Variants in HSD17B12 observed in about 807,000 individuals in gnomAD.
The protein encoded by HSD17B12 is hydroxysteroid 17-beta dehydrogenase 12, also known as very-long-chain 3-oxoacyl-CoA reductase.
In HSD17B12, 32 loss-of-function variants were observed where a neutral mutation model predicts 39.3. That is an observed-to-expected ratio of 0.81 (90% CI 0.61 to 1.09). The LOEUF is 1.09. HSD17B12 is among the 50% of genes least tolerant of loss of function. The pLI is 0.00. For missense variants in HSD17B12, 342 were observed against 382.9 expected, an observed-to-expected ratio of 0.89 and a Z score of 0.89; for synonymous variants, 150 against 146.7, an observed-to-expected ratio of 1.02 and a Z score of -0.16.
intron 1 of HSD17B12, among the ~76,000 whole-genome samples, chr11:43,722,889 A>G (rs1950188128): frequency 6.6e-6 from 1 of 152,086 alleles, no homozygotes; most frequent in South Asian, 2.1e-4. Flanking sequence ...GAGTAATGGG[A>G]AGTCACTGAA....
chr11:43,664,890 A>G, the HSD17B12 span, among the ~76,000 whole-genome samples: 6 of 152,224 alleles, frequency 3.9e-5, no homozygotes, highest in Non-Finnish European at 7.3e-5. Context: ...TTGGAAAGCA[A>G]GTCTTTCTAA....
chr11:43,583,533 C>T, the HSD17B12 span, among the ~76,000 whole-genome samples: 1 of 152,180 alleles, frequency 6.6e-6, no homozygotes, highest in African/African-American at 2.4e-5. Context: ...TTCCCCCTTC[C>T]CTTCACAATA....
the HSD17B12 span, among the ~76,000 whole-genome samples, chr11:43,591,079 T>C: frequency 6.6e-6 from 1 of 152,088 alleles, no homozygotes; most frequent in Non-Finnish European, 1.5e-5. Context: ...AAATAATATT[T>C]AAATAAAAGA....
the HSD17B12 span, among the ~76,000 whole-genome samples, chr11:43,583,527 C>G: frequency 6.6e-6 from 1 of 152,144 alleles, no homozygotes; most frequent in Non-Finnish European, 1.5e-5. Context: ...GACCCCTTCC[C>G]CCTTCCCTTC....
At chr11:43,607,065 G>C in the HSD17B12 span, among the ~76,000 whole-genome samples, 1 of 152,164 alleles carries the variant, frequency 6.6e-6, no homozygotes, top group African/African-American at 2.4e-5. Flanking sequence ...AAAGTGCTTA[G>C]CTCAGATAGG....
intron 3 of HSD17B12, among the ~76,000 whole-genome samples, chr11:43,771,458 T>C (rs1753493282): frequency 2.2e-5 from 3 of 135,858 alleles, no homozygotes; most frequent in East Asian, 2.3e-4. Context: ...AGTGGACTCA[T>C]ATTCTTTTTT....
intron 1 of HSD17B12, among the ~76,000 whole-genome samples, chr11:43,694,705 G>T (rs958694123): frequency 6.6e-6 from 1 of 151,906 alleles, no homozygotes; most frequent in African/African-American, 2.4e-5. Context: ...AAACATAAAA[G>T]TTAAAGGTCT....
At chr11:43,600,142 A>G in the HSD17B12 span, among the ~76,000 whole-genome samples, 1 of 151,786 alleles carries the variant, frequency 6.6e-6, no homozygotes. Context: ...ATTTAGTTGT[A>G]TTATTTTTAT....
chr11:43,694,175 T>A (rs1373435047), intron 1 of HSD17B12, among the ~76,000 whole-genome samples: 1 of 152,160 alleles, frequency 6.6e-6, no homozygotes, highest in Non-Finnish European at 1.5e-5. Context: ...CAGGTTAGGG[T>A]TGGTTTTGTT....
chr11:43,730,785 T>C (rs1950260423), intron 1 of HSD17B12, among the ~76,000 whole-genome samples: 1 of 152,124 alleles, frequency 6.6e-6, no homozygotes, highest in Admixed American at 6.5e-5. Flanking sequence ...TAAGATATAT[T>C]TAATCCTTAA....
Position 43,747,675 on chromosome 11 carries a change from G to A in HSD17B12, c.161-3236G>A, listed in dbSNP as rs118027989. 6.6e-3 allele frequency among the ~76,000 whole-genome samples: 1,012 copies of A among 152,278 alleles called. 8 individuals are homozygous for A. The highest frequency in any genetic ancestry group is 0.034 in the South Asian group (165 of 4,830). ...AGCCTACTCCCACCAGCTACTCTTC[G>A]ATAAGTTAAAGATATGCTGTTTGAA... is the stretch of plus-strand genomic sequence containing the variant. On this transcript the variant is annotated intron_variant, in intron 1 of 10. Coordinates refer to ENST00000278353, the MANE Select transcript of HSD17B12 (RefSeq NM_016142.3).
At chr11:43,740,042 A>C (rs975230290) in intron 1 of HSD17B12, among the ~76,000 whole-genome samples, 3 of 152,160 alleles carry the variant, frequency 2.0e-5, no homozygotes, top group African/African-American at 7.2e-5. Flanking sequence ...GGCTGTTAAC[A>C]GTAGTTCTTG....
At chr11:43,599,550 T>C in the HSD17B12 span, among the ~76,000 whole-genome samples, 1 of 152,212 alleles carries the variant, frequency 6.6e-6, no homozygotes, top group Non-Finnish European at 1.5e-5. Context: ...ATTAGTTATT[T>C]TTCCTGATCC....
intron 3 of HSD17B12, among the ~76,000 whole-genome samples, chr11:43,795,551 G>A (rs779243878): frequency 3.3e-5 from 5 of 152,278 alleles, no homozygotes; most frequent in African/African-American, 4.8e-5. Context: ...GAAAGGAAAC[G>A]TGGTGGGAGT....
intron 1 of HSD17B12, chr11:43,718,818 G>GGCCC: frequency 1.1e-6 from 1 of 894,780 alleles, no homozygotes; most frequent in African/African-American, 1.6e-5. Context: ...GCCTTCTGGT[G>GGCCC]GCCCAAGACA....
At chr11:43,602,041 G>C in the HSD17B12 span, among the ~76,000 whole-genome samples, 1 of 152,104 alleles carries the variant, frequency 6.6e-6, no homozygotes, top group African/African-American at 2.4e-5. Flanking sequence ...GGTGAACTTT[G>C]CTGTTATTTC....
intron 3 of HSD17B12, chr11:43,755,596 A>G (rs940844680): frequency 6.6e-6 from 1 of 152,244 alleles, no homozygotes. Context: ...AATTCTTTCA[A>G]TGAGAATTGA....
At chr11:43,565,474 C>T in the HSD17B12 span, among the ~76,000 whole-genome samples, 4 of 152,222 alleles carry the variant, frequency 2.6e-5, no homozygotes, top group African/African-American at 9.7e-5. Flanking sequence ...TCAACACTGA[C>T]CCTTAACCAG....
At chr11:43,670,471 T>G in the HSD17B12 span, 1 of 152,222 alleles carries the variant, frequency 6.6e-6, no homozygotes. Flanking sequence ...GAGAATGGAC[T>G]AGGGTAGGTT....
Sources: allele counts gnomAD v4.1 joint callset (sites outside exome capture counted in the v4.1 genomes callset), GRCh38; gene constraint gnomAD v4.1.1; transcripts MANE v1.5; gene names NCBI Gene and HGNC (gene_info 2026-07-23, HGNC 2026-07-21).